The following FSTL4 variants were observed in gnomAD, a reference collection of about 807,000 sequenced individuals.
FSTL4 encodes follistatin like 4, also known as follistatin-related protein 4.
In FSTL4, 28 loss-of-function variants were observed where a neutral mutation model predicts 78.2. The observed-to-expected ratio is 0.36, with a 90% CI of 0.27 to 0.49. The LOEUF is 0.49. Ranked by LOEUF, FSTL4 falls within the 20% of genes least tolerant of loss-of-function variation. FSTL4 has a pLI of 0.98. For missense variants in FSTL4, 922 were observed against 1,084.9 expected (o/e 0.85, Z 2.11); for synonymous variants, 422 against 440.5 (o/e 0.96, Z 0.53).
chr5:133,298,889 C>T (rs978137729), intron 6 of FSTL4, among the ~76,000 whole-genome samples: 3 of 152,208 alleles, frequency 2.0e-5, no homozygotes, highest in Non-Finnish European at 4.4e-5. Context: ...GAGACTGAGG[C>T]CCCGGCCAGA....
chr5:133,567,035 A>G (rs1760040737), intron 3 of FSTL4, 151 bp downstream of exon 3: 1 of 666,208 alleles, frequency 1.5e-6, no homozygotes, highest in Non-Finnish European at 2.7e-6. Context: ...CAGTCCCTAC[A>G]GACAAGTGCT....
rs80307026 is a variant in FSTL4, at chr5:133,404,566, G to A, written c.161-3580C>T. 3.2e-3 allele frequency among the ~76,000 whole-genome samples: 482 copies of A among 152,296 alleles called. 6 individuals carry two copies. The highest frequency in any genetic ancestry group is 0.011 in the African/African-American group (461 of 41,568). On this transcript the variant is annotated intron_variant, in intron 3 of 15. Coordinates refer to ENST00000265342, the MANE Select transcript of FSTL4 (RefSeq NM_015082.2). Reference sequence around the variant, plus strand: ...TTAACATTATGGCGGCAGGAGAAATGAGTCTATTGGTACCAGTTGGTGCTG... The same window carrying A: ...TTAACATTATGGCGGCAGGAGAAATAAGTCTATTGGTACCAGTTGGTGCTG...
At chr5:133,217,177 C>A in intron 13 of FSTL4, 52 bp downstream of exon 13, 1 of 1,501,324 alleles carries the variant, frequency 6.7e-7, no homozygotes, top group Middle Eastern at 1.7e-4. Flanking sequence ...AAGAATGTGG[C>A]AGGCTGTGCC....
intron 3 of FSTL4, among the ~76,000 whole-genome samples, chr5:133,405,914 C>T (rs1756352871): frequency 6.6e-6 from 1 of 152,220 alleles, no homozygotes; most frequent in African/African-American, 2.4e-5. Context: ...TATCTATCCA[C>T]CCAACAAATA....
the FSTL4 span, among the ~76,000 whole-genome samples, chr5:133,775,327 T>G: frequency 6.6e-6 from 1 of 152,350 alleles, no homozygotes; most frequent in South Asian, 2.1e-4. Context: ...GTTCTCCATC[T>G]GTAAAGCAGC....
intron 6 of FSTL4, among the ~76,000 whole-genome samples, chr5:133,293,916 C>T (rs1753325543): frequency 6.6e-6 from 1 of 152,160 alleles, no homozygotes; most frequent in Non-Finnish European, 1.5e-5. Flanking sequence ...TCTAATCCCT[C>T]CCTCCTGCAT....
At chr5:133,632,054 G>C in the FSTL4 span, among the ~76,000 whole-genome samples, 1 of 152,032 alleles carries the variant, frequency 6.6e-6, no homozygotes, top group Non-Finnish European at 1.5e-5. Context: ...GTAGATGAAG[G>C]TTTGATGGGT....
chr5:133,504,462 C>T (rs1373071063), intron 3 of FSTL4, among the ~76,000 whole-genome samples: 4 of 152,174 alleles, frequency 2.6e-5, no homozygotes, highest in Non-Finnish European at 5.9e-5. Flanking sequence ...ACTCAGCCTC[C>T]ATAATCCCCA....
chr5:133,239,569 G>C (rs1751771691), intron 7 of FSTL4, among the ~76,000 whole-genome samples: 1 of 151,772 alleles, frequency 6.6e-6, no homozygotes, highest in Admixed American at 6.6e-5. Flanking sequence ...GCACCATTCG[G>C]CACTCTGTAT....
chr5:133,531,565 G>A (rs1262834233), intron 3 of FSTL4, among the ~76,000 whole-genome samples: 1 of 152,128 alleles, frequency 6.6e-6, no homozygotes, highest in Non-Finnish European at 1.5e-5. Flanking sequence ...TTCTAAGCAG[G>A]CCTCTCAGCT....
chr5:133,262,678 G>A (rs2126837122), intron 6 of FSTL4, among the ~76,000 whole-genome samples: 1 of 152,302 alleles, frequency 6.6e-6, no homozygotes, highest in South Asian at 2.1e-4. Context: ...TCCTTTATAA[G>A]AAAGAAAGTC....
At chr5:133,289,050 A>G (rs2126866711) in intron 6 of FSTL4, among the ~76,000 whole-genome samples, 1 of 152,208 alleles carries the variant, frequency 6.6e-6, no homozygotes, top group African/African-American at 2.4e-5. Context: ...CACAGAGTGT[A>G]TGCCCCTCTT....
intron 6 of FSTL4, among the ~76,000 whole-genome samples, chr5:133,262,599 C>T (rs369590011): frequency 1.6e-4 from 25 of 152,320 alleles, no homozygotes; most frequent in Non-Finnish European, 2.6e-4. Flanking sequence ...TCCTTCCAAG[C>T]GCCTGTCTCT....
intron 3 of FSTL4, among the ~76,000 whole-genome samples, chr5:133,524,350 A>G (rs1759046287): frequency 6.6e-6 from 1 of 152,166 alleles, no homozygotes; most frequent in Non-Finnish European, 1.5e-5. Flanking sequence ...TGGGTTTTCC[A>G]AGGTCTGACA....
chr5:133,597,825 T>C (rs79892753), intron 2 of FSTL4, among the ~76,000 whole-genome samples: 14,262 of 152,162 alleles, frequency 0.094, 810 homozygotes, highest in African/African-American at 0.16. Context: ...GGGACAGAGA[T>C]GGGATAGGAC....
intron 6 of FSTL4, among the ~76,000 whole-genome samples, chr5:133,288,190 C>T (rs1200197054): frequency 2.0e-5 from 3 of 152,228 alleles, no homozygotes; most frequent in African/African-American, 7.2e-5. Flanking sequence ...CCAGCCCCAC[C>T]TCTTACTAAC....
At chr5:133,661,972 G>A in the FSTL4 span, among the ~76,000 whole-genome samples, 1 of 152,076 alleles carries the variant, frequency 6.6e-6, no homozygotes, top group Non-Finnish European at 1.5e-5. Context: ...GCACAAAGTA[G>A]GCATTCAATT....
At chr5:133,264,831 T>C (rs1752608847) in intron 6 of FSTL4, among the ~76,000 whole-genome samples, 1 of 152,172 alleles carries the variant, frequency 6.6e-6, no homozygotes, top group South Asian at 2.1e-4. Flanking sequence ...TCTGTCAGTT[T>C]GGAAATCTCC....
chr5:133,615,525 C>T (rs888957810), upstream of FSTL4, among the ~76,000 whole-genome samples: 2 of 152,184 alleles, frequency 1.3e-5, no homozygotes, highest in African/African-American at 4.8e-5. Flanking sequence ...GGCAGTCATA[C>T]TAAACGACAT....
Sources: allele counts gnomAD v4.1 joint callset (sites outside exome capture counted in the v4.1 genomes callset), GRCh38; gene constraint gnomAD v4.1.1; transcripts MANE v1.5; gene names NCBI Gene and HGNC (gene_info 2026-07-23, HGNC 2026-07-21).